The following OLR1 variants were observed in gnomAD, a reference collection of about 807,000 sequenced individuals.
The protein encoded by OLR1 is oxidized low density lipoprotein receptor 1, also known as oxidized low-density lipoprotein receptor 1.
OLR1 carries 23 observed loss-of-function variants against 31.7 expected under a neutral mutation model. The observed-to-expected ratio is 0.72, with a 90% CI of 0.52 to 1.03. OLR1 has a LOEUF of 1.03. Among genes scored for constraint, OLR1 ranks in the 50% least tolerant of loss-of-function variants. The pLI, the probability that OLR1 is intolerant of heterozygous loss-of-function variation, is 0.00. For missense variants in OLR1, 286 were observed against 315.7 expected (o/e 0.91, Z 0.71); for synonymous variants, 117 against 115.8 (o/e 1.01, Z -0.07).
At chr12:10,173,668 T>C (rs533456062), upstream of OLR1, among the ~76,000 whole-genome samples, 3 of 151,018 alleles carry the variant, frequency 2.0e-5, no homozygotes, top group Non-Finnish European at 4.4e-5. Flanking sequence ...TAATCCCAGC[T>C]ATTTGGGAGG....
At chr12:10,166,572 C>A in intron 3 of OLR1, 140 bp downstream of exon 3, 3 of 821,192 alleles carry the variant, frequency 3.7e-6, no homozygotes, top group South Asian at 1.7e-5. Context: ...AAATTGAGAA[C>A]TTCTTGTATA....
At chr12:10,160,581 G>T in intron 4 of OLR1, 119 bp from the exon 5 acceptor site, 1 of 988,322 alleles carries the variant, frequency 1.0e-6, no homozygotes, top group Non-Finnish European at 1.5e-6. Flanking sequence ...ACATCCCCTT[G>T]ACTGTTTTAC....
chr12:10,161,944 TAA>T (rs869134319), intron 3 of OLR1, among the ~76,000 whole-genome samples: 66 of 53,136 alleles, frequency 1.2e-3, no homozygotes, highest in East Asian at 8.4e-3. Context: ...TATATATATA[TAA>T]AAAACACATA....
At chr12:10,164,558 TA>T (rs2137510289) in intron 3 of OLR1, among the ~76,000 whole-genome samples, 1 of 152,360 alleles carries the variant, frequency 6.6e-6, no homozygotes, top group Non-Finnish European at 1.5e-5. Context: ...TGAGATTAAG[TA>T]AATTGTGCAA....
chr12:10,168,351 A>C (rs529437813), intron 2 of OLR1, among the ~76,000 whole-genome samples: 1 of 152,302 alleles, frequency 6.6e-6, no homozygotes, highest in African/African-American at 2.4e-5. Flanking sequence ...GTATTTAATT[A>C]TCTCTATCAA....
intron 5 of OLR1, among the ~76,000 whole-genome samples, 155 bp from the exon 6 acceptor site, chr12:10,160,176 T>C (rs533190965): frequency 2.0e-4 from 30 of 152,312 alleles, no homozygotes; most frequent in African/African-American, 6.3e-4. Flanking sequence ...GAATGGTTAA[T>C]GAGTAAATCT....
At chr12:10,160,314 CG>C in intron 5 of OLR1, 32 bp downstream of exon 5, 1 of 1,523,358 alleles carries the variant, frequency 6.6e-7, no homozygotes, top group South Asian at 1.1e-5. Context: ...AGGAAACTGA[CG>C]AGAGAGGCAT....
chr12:10,160,641 G>A (rs746559199), intron 4 of OLR1, 145 bp downstream of exon 4: 33 of 1,112,434 alleles, frequency 3.0e-5, no homozygotes, highest in Non-Finnish European at 4.1e-5. Flanking sequence ...TCCGTCCAAG[G>A]TCATACACAA....
chr12:10,167,087 T>A (rs1948669471), intron 2 of OLR1, 130 bp from the exon 3 acceptor site: 12 of 855,354 alleles, frequency 1.4e-5, no homozygotes, highest in Non-Finnish European at 1.8e-5. Context: ...TGACCCAGAT[T>A]TACTCAGAAG....
chr12:10,167,010 C>A, intron 2 of OLR1, 53 bp from the exon 3 acceptor site: 1 of 1,537,302 alleles, frequency 6.5e-7, no homozygotes, highest in Non-Finnish European at 8.8e-7. Flanking sequence ...AAAATCCCTC[C>A]AGGGACTTTT....
At chr12:10,160,616 A>G in intron 4 of OLR1, 154 bp from the exon 5 acceptor site, 3 of 983,086 alleles carry the variant, frequency 3.1e-6, no homozygotes, top group Non-Finnish European at 3.1e-6. Flanking sequence ...AAGGCTAGAG[A>G]TACTACAGAG....
chr12:10,172,363 A>G (rs61744551), upstream of OLR1: 865 of 294,024 alleles, frequency 2.9e-3, 9 homozygotes, highest in African/African-American at 0.016. Flanking sequence ...CATGAGCATC[A>G]GAGGAGAGAT....
At position 10,159,674 on chromosome 12, in the gene OLR1, A is replaced by G; in HGVS notation, c.*206T>C. The G allele has an allele frequency of 2.2e-6, 1 of 446,538 alleles. No homozygotes were observed. The highest frequency in any genetic ancestry group is 4.1e-6 in the Non-Finnish European group (1 of 245,988). 27.7% of individuals were successfully genotyped at this position (446,538 alleles called of 1,614,324 possible). A position where few individuals can be genotyped will look rare whatever the true frequency, so the allele number is the denominator to read the frequency against. On this transcript the variant is annotated 3_prime_UTR_variant, in exon 6 of 6. Coordinates refer to ENST00000309539, the MANE Select transcript of OLR1 (RefSeq NM_002543.4). ...CTGGCAGGGAAGCTTGGGACAAGCT[A>G]GGTGAAATAATACAGGTAGCTAGAA...
intron 2 of OLR1, 109 bp downstream of exon 2, chr12:10,168,965 A>G (rs2137520019): frequency 6.0e-6 from 4 of 667,380 alleles, no homozygotes; most frequent in Non-Finnish European, 9.6e-6. Flanking sequence ...ATGAATCTAT[A>G]TCAAGGCTGT....
chr12:10,160,804 A>G lies in OLR1; in HGVS notation c.546T>C (p.Ile182=). The change falls in exon 4 of 6, where the codon ATT becomes ATC. Residue 182 remains isoleucine (I), a synonymous_variant. Transcript: ENST00000309539. ...CACTCACCAGATCAGCTGTGCTATTAATTTTCAGCAACTTGGCATCCAAAG... is the reference window on the plus strand; with the variant it reads ...CACTCACCAGATCAGCTGTGCTATTGATTTTCAGCAACTTGGCATCCAAAG... ...CLSLDAKLLK[I]NSTADLDFIQ... The G allele has an allele frequency of 6.2e-7, 1 of 1,614,170 alleles. No individual in the cohort carries two copies.
rs2137515560 is a variant in OLR1 at position 10,166,914 on chromosome 12, T to G, written c.222A>C (p.Leu74=). 1 of 1,613,782 alleles carries G rather than the reference T, an allele frequency of 6.2e-7. No homozygotes were observed. The highest frequency in any genetic ancestry group is 8.5e-7 in the Non-Finnish European group (1 of 1,179,962). The change falls in exon 3 of 6, where the codon CTA becomes CTC. Residue 74 remains leucine (L), a synonymous_variant. Coordinates refer to ENST00000309539, the MANE Select transcript of OLR1 (RefSeq NM_002543.4). ...CCTCCAGTTTCTTTTTCTGGTGAGT[T>G]AGGTTTGCTTGCTCTTGTGTTAGGA... ...SDLLTQEQAN[L]THQKKKLEGQ...
At chr12:10,172,508 G>T, upstream of OLR1, 1 of 160,664 alleles carries the variant, frequency 6.2e-6, no homozygotes, top group Non-Finnish European at 1.4e-5. Flanking sequence ...TTAGCAGACT[G>T]TTTCTATATG....
chr12:10,160,150 A>C, intron 5 of OLR1, 129 bp from the exon 6 acceptor site: 1 of 1,096,600 alleles, frequency 9.1e-7, no homozygotes. Flanking sequence ...GGGAAGGAAA[A>C]CTCAAGAAAA....
intron 3 of OLR1, among the ~76,000 whole-genome samples, chr12:10,165,156 G>A (rs1173259003): frequency 1.3e-5 from 2 of 152,076 alleles, no homozygotes; most frequent in Non-Finnish European, 2.9e-5. Context: ...CCAACTATTC[G>A]GGAGGCTGAG....
Sources: allele counts gnomAD v4.1 joint callset (sites outside exome capture counted in the v4.1 genomes callset), GRCh38; gene constraint gnomAD v4.1.1; transcripts MANE v1.5; gene names NCBI Gene and HGNC (gene_info 2026-07-23, HGNC 2026-07-21).